Variants in LRRFIP1 observed in about 807,000 individuals in gnomAD.
The protein encoded by LRRFIP1 is LRR binding FLII interacting protein 1, also known as leucine-rich repeat flightless-interacting protein 1.
In LRRFIP1, 62 loss-of-function variants were observed where a neutral mutation model predicts 104.4. The observed-to-expected ratio is 0.59, with a 90% CI of 0.48 to 0.73. The LOEUF (loss-of-function observed/expected upper bound fraction) is 0.73, where lower values mean the gene tolerates loss of function less well. LRRFIP1 is among the 30% of genes least tolerant of loss of function. LRRFIP1 has a pLI of 0.00. For synonymous variants in LRRFIP1, 300 were observed against 299.0 expected (o/e 1.00, Z -0.03); for missense variants, 796 against 824.5 (o/e 0.97, Z 0.42).
chr2:237,680,986 C>T (rs2091742870), intron 1 of LRRFIP1, among the ~76,000 whole-genome samples: 1 of 151,856 alleles, frequency 6.6e-6, no homozygotes, highest in African/African-American at 2.4e-5. Context: ...GTGTCAAAAA[C>T]AACAACAACA....
At position 237,733,806 on chromosome 2, in the gene LRRFIP1, G is replaced by A. The variant is rs776329574; in HGVS notation, c.477G>A (p.Ser159=). Reference sequence around the variant, plus strand: ...GTCTGTACAGCGCTGCCCGGCCTTCGGGGAGTTACCGGGTGCGTGTGCTGC... The same window carrying A: ...GTCTGTACAGCGCTGCCCGGCCTTCAGGGAGTTACCGGGTGCGTGTGCTGC... The part of the protein sequence containing the change: ...PSCLYSAARP[S]GSYRASVLDE... Residue 159 remains serine, a synonymous_variant, in exon 9 of 24, where the codon TCG becomes TCA. Transcript: ENST00000308482. 2.2e-5 allele frequency: 36 copies of A among 1,613,836 alleles called. No individual in the cohort carries two copies. In the East Asian group the frequency reaches 4.5e-4, roughly 20 times the overall value.
chr2:237,779,070 A>G (rs2061334213), intron 23 of LRRFIP1, among the ~76,000 whole-genome samples: 1 of 152,056 alleles, frequency 6.6e-6, no homozygotes, highest in Non-Finnish European at 1.5e-5. Flanking sequence ...AAAATACAAA[A>G]AATTAACTGA....
chr2:237,652,689 C>A (rs116245651), intron 1 of LRRFIP1, among the ~76,000 whole-genome samples: 60 of 152,154 alleles, frequency 3.9e-4, no homozygotes, highest in Non-Finnish European at 7.5e-4. Flanking sequence ...AAAAAGAAAT[C>A]AAGAAAACAA....
intron 19 of LRRFIP1, chr2:237,763,483 T>A (rs1305774919): frequency 1.2e-6 from 2 of 1,613,268 alleles, no homozygotes; most frequent in African/African-American, 1.3e-5. Context: ...CCCTTAAAGA[T>A]GTTAAAAAAG....
In LRRFIP1 at chr2:237,766,316, T is replaced by C. The variant is rs547806951; in HGVS notation, c.1460-3627T>C. ...AGTAGAGGATGGTGGGGATGATAAA[T>C]GCTTGCTAGGAAATAAGTCCAAGGG... On this transcript the variant is annotated intron_variant, in intron 19 of 23. Transcript: ENST00000308482. The surrounding 1 kb of genome is among the most constrained non-coding windows in gnomAD (Gnocchi z 4.8). Among the ~76,000 whole-genome samples, 1 of 139,570 alleles carries C rather than the reference T, an allele frequency of 7.2e-6. No individual in the cohort carries two copies. Among genetic ancestry groups the C allele is most frequent in the South Asian group, 2.2e-4 (1 of 4,510 alleles). 91.6% of individuals were successfully genotyped at this position (139,570 alleles called of 152,430 possible). A position where few individuals can be genotyped will look rare whatever the true frequency, so the allele number is the denominator to read the frequency against.
chr2:237,725,668 A>T (rs1311473222), intron 7 of LRRFIP1, among the ~76,000 whole-genome samples: 2 of 152,266 alleles, frequency 1.3e-5, no homozygotes, highest in Non-Finnish European at 1.5e-5. Context: ...ATAGAATTCC[A>T]TTACCACAGA....
intron 11 of LRRFIP1, among the ~76,000 whole-genome samples, chr2:237,746,620 A>G (rs2057902392): frequency 6.6e-6 from 1 of 152,160 alleles, no homozygotes; most frequent in African/African-American, 2.4e-5. Flanking sequence ...TGCACATCCG[A>G]AAAAATAACT....
At position 237,772,170 on chromosome 2, in the gene LRRFIP1, G is replaced by T. The variant is rs770331457; in HGVS notation, c.1599G>T (p.Gly533=). The change falls in exon 21 of 24, where the codon GGG becomes GGT. Residue 533 remains glycine, a synonymous_variant. Transcript: ENST00000308482. ...LRSEDDVLEN[G]TDMHVMDLQR... is the part of the protein sequence containing the mutation. ...CTGAAGATGATGTCTTGGAAAACGG[G>T]ACAGACATGCATGTAATGGACCTAC... 4.3e-6 allele frequency: 7 copies of T among 1,613,726 alleles called. No individual in the cohort carries two copies. The highest frequency in any genetic ancestry group is 5.9e-6 in the Non-Finnish European group (7 of 1,179,730).
chr2:237,690,715 C>T (rs1405788763), intron 1 of LRRFIP1, among the ~76,000 whole-genome samples: 7 of 139,822 alleles, frequency 5.0e-5, no homozygotes, highest in African/African-American at 1.9e-4. Context: ...CCAGCCTGGG[C>T]GACAGAGCGA....
intron 16 of LRRFIP1, among the ~76,000 whole-genome samples, chr2:237,757,005 C>T (rs973933059): frequency 6.6e-6 from 1 of 151,802 alleles, no homozygotes; most frequent in Non-Finnish European, 1.5e-5. Context: ...GCAGCTCAGT[C>T]TTAGAAGCTG....
At chr2:237,740,349 G>A (rs77743609) in intron 11 of LRRFIP1, among the ~76,000 whole-genome samples, 4,856 of 152,130 alleles carry the variant, frequency 0.032, 93 homozygotes, top group Middle Eastern at 0.12. Context: ...CCAGGAGTTC[G>A]AGGTTGCAAT....
intron 1 of LRRFIP1, among the ~76,000 whole-genome samples, chr2:237,675,826 A>T (rs747704336): frequency 1.3e-4 from 20 of 152,224 alleles, no homozygotes; most frequent in African/African-American, 4.8e-4. Flanking sequence ...CAGAGATATA[A>T]TTGTCATAAT....
intron 12 of LRRFIP1, 94 bp downstream of exon 12, chr2:237,748,493 C>A: frequency 8.3e-7 from 1 of 1,203,874 alleles, no homozygotes; most frequent in Non-Finnish European, 1.2e-6. Flanking sequence ...TAAGGATGTT[C>A]CCCAGCGAGG....
At chr2:237,706,653 G>A (rs980246122) in intron 1 of LRRFIP1, among the ~76,000 whole-genome samples, 1 of 152,000 alleles carries the variant, frequency 6.6e-6, no homozygotes, top group African/African-American at 2.4e-5. Context: ...TTTGAGACAG[G>A]GTCTCACTCT....
chr2:237,732,748 G>GTT (rs1041166312), intron 8 of LRRFIP1, among the ~76,000 whole-genome samples: 1 of 152,106 alleles, frequency 6.6e-6, no homozygotes, highest in African/African-American at 2.4e-5. Flanking sequence ...GGTTTCATTT[G>GTT]TTTTTTTAAA....
chr2:237,748,537 T>C lies in LRRFIP1; in HGVS notation c.669+138T>C, dbSNP rs75521630. ...CTAGAAAGCGGCCCACCTAACCTGG[T>C]ATCACCTTCCCGGAGGTAGGCCACC... On this transcript the variant is annotated intron_variant, in intron 12 of 23. Coordinates refer to ENST00000308482, the MANE Select transcript of LRRFIP1 (RefSeq NM_001137550.2). 7,199 of 748,076 alleles carry C rather than the reference T, an allele frequency of 9.6e-3. 329 individuals are homozygous for C. In the African/African-American group the frequency reaches 0.11, roughly 11 times the overall value. 46.3% of individuals were successfully genotyped at this position (748,076 alleles called of 1,614,324 possible).
In LRRFIP1 at chr2:237,649,225, T is replaced by G. The variant is rs62183619; in HGVS notation, c.96+21485T>G. On this transcript the variant is annotated intron_variant, in intron 1 of 23. Transcript: ENST00000308482. The surrounding 1 kb of genome is among the most constrained non-coding windows in gnomAD (Gnocchi z 4.1). ...CAGCCCCTCCCTCCCCACCCACAGC[T>G]GTGCCCAGCTACGAACACTGTAGGC... Among the ~76,000 whole-genome samples the G allele has an allele frequency of 0.13, 19,579 of 149,966 alleles. 1,963 individuals carry two copies. The highest frequency in any genetic ancestry group is 0.2 in the Non-Finnish European group (13,679 of 67,432).
intron 3 of LRRFIP1, among the ~76,000 whole-genome samples, chr2:237,716,514 G>A (rs943960307): frequency 2.6e-5 from 4 of 152,116 alleles, no homozygotes; most frequent in South Asian, 4.1e-4. Flanking sequence ...AGATAAGACC[G>A]TCTGAAAACT....
chr2:237,651,932 C>G (rs1478959797), intron 1 of LRRFIP1, among the ~76,000 whole-genome samples: 1 of 152,230 alleles, frequency 6.6e-6, no homozygotes, highest in Non-Finnish European at 1.5e-5. Context: ...TCGGGCGCTG[C>G]CCGTGGCTGC....
Sources: gnomAD v4.1 joint callset for allele counts (sites outside exome capture counted in the v4.1 genomes callset) on GRCh38, gnomAD v4.1.1 for gene constraint, Gnocchi (gnomAD v3.1) non-coding constraint, MANE v1.5 for transcripts, NCBI Gene and HGNC (gene_info 2026-07-23, HGNC 2026-07-21) for gene names.